ZNF804A: variants seen among roughly 807,000 people sequenced by gnomAD.
ZNF804A encodes the protein zinc finger protein 804A.
Under a neutral mutation model 16.5 loss-of-function variants are expected in ZNF804A, and 2 were observed. The observed-to-expected ratio is 0.12, with a 90% confidence interval of 0.05 to 0.38. The LOEUF is 0.38. Ranked by LOEUF, ZNF804A falls within the 10% of genes least tolerant of loss-of-function variation. The pLI is 0.99. For synonymous variants in ZNF804A, 534 were observed against 489.6 expected (o/e 1.09, Z -1.20); for missense variants, 1,473 against 1,390.7 (o/e 1.06, Z -0.94).
At chr2:184,695,132 T>C (rs557013586) in intron 1 of ZNF804A, among the ~76,000 whole-genome samples, 3 of 152,194 alleles carry the variant, frequency 2.0e-5, no homozygotes, top group East Asian at 1.9e-4. Flanking sequence ...CTTCAAAATA[T>C]GTAGAGAGAT....
intron 1 of ZNF804A, among the ~76,000 whole-genome samples, chr2:184,840,706 C>T (rs189647734): frequency 2.4e-4 from 36 of 152,176 alleles, no homozygotes; most frequent in African/African-American, 7.7e-4. Flanking sequence ...AAAATATACA[C>T]GCCCGCTAAC....
intron 1 of ZNF804A, among the ~76,000 whole-genome samples, chr2:184,629,836 G>T (rs945187390): frequency 6.6e-6 from 1 of 152,114 alleles, no homozygotes; most frequent in Admixed American, 6.6e-5. Flanking sequence ...CTATGACAGG[G>T]TATGTAATGT....
At chr2:184,785,980 A>G (rs1397808168) in intron 1 of ZNF804A, among the ~76,000 whole-genome samples, 1 of 152,038 alleles carries the variant, frequency 6.6e-6, no homozygotes, top group East Asian at 1.9e-4. Flanking sequence ...GTTGGGATGT[A>G]GCTGAGGTGA....
Position 184,851,077 on chromosome 2 carries a change from T to C in ZNF804A, c.112-15292T>C, listed in dbSNP as rs573351991. On this transcript the variant is annotated intron_variant, in intron 1 of 3. Coordinates refer to ENST00000302277, the MANE Select transcript of ZNF804A (RefSeq NM_194250.2). ...AAAATTTATTTTTAATTGGCAGCTT[T>C]TATGTATTTACCATGAACAATATGT... 7.9e-5 allele frequency among the ~76,000 whole-genome samples: 12 copies of C among 151,968 alleles called. No homozygotes were observed. The East Asian group carries it at 2.1e-3, about 27-fold the overall frequency.
chr2:184,818,816 G>A (rs976717982), intron 1 of ZNF804A, among the ~76,000 whole-genome samples: 3 of 151,950 alleles, frequency 2.0e-5, no homozygotes, highest in African/African-American at 7.2e-5. Flanking sequence ...AGACAAAGAA[G>A]GGAGTTACAA....
chr2:184,881,510 G>A (rs1684809603), intron 2 of ZNF804A, among the ~76,000 whole-genome samples: 1 of 151,966 alleles, frequency 6.6e-6, no homozygotes. Context: ...TAATACTAAA[G>A]GCAGCTAGAG....
intron 1 of ZNF804A, among the ~76,000 whole-genome samples, chr2:184,712,631 T>C (rs1693147866): frequency 6.6e-6 from 1 of 151,836 alleles, no homozygotes; most frequent in Admixed American, 6.6e-5. Flanking sequence ...TCCTTTCTTT[T>C]GTTCTTCCAG....
At chr2:184,917,858 T>C (rs1685476246) in intron 2 of ZNF804A, among the ~76,000 whole-genome samples, 1 of 151,974 alleles carries the variant, frequency 6.6e-6, no homozygotes, top group Admixed American at 6.6e-5. Flanking sequence ...TATTCTCATG[T>C]CAATTGAAGT....
At chr2:184,718,267 G>T (rs767654254) in intron 1 of ZNF804A, among the ~76,000 whole-genome samples, 11 of 152,048 alleles carry the variant, frequency 7.2e-5, no homozygotes, top group Admixed American at 6.6e-5. Flanking sequence ...CCATAACTCA[G>T]TCACCTCCTA....
At chr2:184,802,412 GT>G (rs1186467020) in intron 1 of ZNF804A, among the ~76,000 whole-genome samples, 1 of 152,176 alleles carries the variant, frequency 6.6e-6, no homozygotes, top group Non-Finnish European at 1.5e-5. Flanking sequence ...ATATCGTTGT[GT>G]CCTTTAAGGT....
intron 1 of ZNF804A, among the ~76,000 whole-genome samples, chr2:184,635,745 G>GT (rs778837403): frequency 2.0e-5 from 3 of 152,108 alleles, no homozygotes; most frequent in Non-Finnish European, 4.4e-5. Context: ...CGTGATTAGG[G>GT]TGTCAGAAAG....
chr2:184,618,279 TA>T (rs1214966054), intron 1 of ZNF804A, among the ~76,000 whole-genome samples: 5 of 152,142 alleles, frequency 3.3e-5, no homozygotes, highest in Admixed American at 3.3e-4. Context: ...GATACTTAAT[TA>T]AAATTGGCAT....
intron 2 of ZNF804A, among the ~76,000 whole-genome samples, chr2:184,875,809 G>T (rs1696046230): frequency 6.8e-6 from 1 of 146,538 alleles, no homozygotes. Flanking sequence ...CAGGTAAAGA[G>T]AAAAAAATTT....
At chr2:184,806,917 G>A (rs913726059) in intron 1 of ZNF804A, among the ~76,000 whole-genome samples, 2 of 151,608 alleles carry the variant, frequency 1.3e-5, no homozygotes, top group African/African-American at 4.8e-5. Flanking sequence ...TAGAACAGAA[G>A]TTGCATTGTC....
Position 184,599,440 on chromosome 2 carries a change from G to A in ZNF804A, c.111+370G>A, listed in dbSNP as rs140406228. Among the ~76,000 whole-genome samples the A allele has an allele frequency of 2.0e-3, 311 of 152,302 alleles. 2 individuals carry two copies. The highest frequency in any genetic ancestry group is 6.7e-3 in the Admixed American group (103 of 15,298). ...TTGGCTTAGGAGGCTGAAGGTGAAT[G>A]AGGATGTGGCTGTCTCTGATGGAGG... On this transcript the variant is annotated intron_variant, in intron 1 of 3. Coordinates refer to ENST00000302277, the MANE Select transcript of ZNF804A (RefSeq NM_194250.2).
At chr2:184,827,519 A>AC (rs1574230738) in intron 1 of ZNF804A, among the ~76,000 whole-genome samples, 3 of 147,504 alleles carry the variant, frequency 2.0e-5, no homozygotes, top group African/African-American at 4.9e-5. Context: ...TAAAACTTTC[A>AC]CCCCAATTAT....
At chr2:184,747,981 A>T (rs538252740) in intron 1 of ZNF804A, among the ~76,000 whole-genome samples, 1 of 151,298 alleles carries the variant, frequency 6.6e-6, no homozygotes, top group African/African-American at 2.4e-5. Context: ...AAAGGACATA[A>T]TTTTTTTTAT....
intron 1 of ZNF804A, among the ~76,000 whole-genome samples, chr2:184,812,648 G>A (rs79780906): frequency 1.6e-3 from 246 of 152,146 alleles, no homozygotes; most frequent in Non-Finnish European, 2.8e-3. Context: ...AGGGGTGTGC[G>A]GGCTCTACCT....
At chr2:184,613,931 C>G (rs765414211) in intron 1 of ZNF804A, among the ~76,000 whole-genome samples, 12 of 152,128 alleles carry the variant, frequency 7.9e-5, no homozygotes, top group Admixed American at 3.9e-4. Flanking sequence ...TTAGAAAAAA[C>G]TATGTTAAAT....
Sources: allele counts gnomAD v4.1 joint callset (sites outside exome capture counted in the v4.1 genomes callset), GRCh38; gene constraint gnomAD v4.1.1; transcripts MANE v1.5; gene names NCBI Gene and HGNC (gene_info 2026-07-23, HGNC 2026-07-21).